DAOA: variants seen among roughly 807,000 people sequenced by gnomAD.
DAOA encodes the protein D-amino acid oxidase activator, also known as D-amino acid oxidase regulator.
DAOA carries 15 observed loss-of-function variants against 16.4 expected under a neutral mutation model. The observed-to-expected ratio is 0.91, with a 90% CI of 0.61 to 1.41. DAOA has a LOEUF of 1.41. DAOA is among the 40% of genes most tolerant of loss of function. The pLI is 0.00. For synonymous variants in DAOA, 75 were observed against 59.1 expected (o/e 1.27, Z -1.23); for missense variants, 230 against 176.8 (o/e 1.30, Z -1.71).
At chr13:105,490,226 TATTTTTATGAAATATA>T in intron 5 of DAOA, 34 bp downstream of exon 5, 2 of 1,020,078 alleles carry the variant, frequency 2.0e-6, no homozygotes, top group East Asian at 7.9e-5. Flanking sequence ...TTTTTATGAA[TATTTTTATGAAATATA>T]ATTTTTATGA....
At chr13:105,473,915 C>T (rs1051733607) in intron 4 of DAOA, among the ~76,000 whole-genome samples, 1 of 152,120 alleles carries the variant, frequency 6.6e-6, no homozygotes, top group Non-Finnish European at 1.5e-5. Flanking sequence ...AATTATTCAA[C>T]TTCCTTATCA....
intron 3 of DAOA, among the ~76,000 whole-genome samples, chr13:105,471,337 G>A (rs2139171693): frequency 3.3e-4 from 2 of 6,008 alleles, no homozygotes; most frequent in Middle Eastern, 0.1. Context: ...TCAAGGTGAA[G>A]GATATGAGTC....
chr13:105,472,600 G>A lies in DAOA; in HGVS notation c.196G>A (p.Glu66Lys). The change falls in exon 4 of 6, where the codon GAG becomes AAG. Residue 66 changes from glutamate to lysine, a missense_variant. Coordinates refer to ENST00000375936, the MANE Select transcript of DAOA (RefSeq NM_172370.5). ...TRKEGWKRRH[E>K]DGYLEMAQRH... ...GAAAGAAGGATGGAAGAGAAGGCATGAGGACGGCTATTTGGAAATGGCACA... is the reference window on the plus strand; with the variant it reads ...GAAAGAAGGATGGAAGAGAAGGCATAAGGACGGCTATTTGGAAATGGCACA... The A allele has an allele frequency of 6.2e-7, 1 of 1,614,068 alleles. No homozygotes were observed. The highest frequency in any genetic ancestry group is 8.5e-7 in the Non-Finnish European group (1 of 1,179,956).
At chr13:105,487,820 T>A (rs1300991275) in intron 4 of DAOA, among the ~76,000 whole-genome samples, 4 of 152,224 alleles carry the variant, frequency 2.6e-5, no homozygotes, top group Non-Finnish European at 4.4e-5. Context: ...CCTGTTTCTA[T>A]AATTGCCTGA....
At chr13:105,475,015 A>G (rs1399811921) in intron 4 of DAOA, 1 of 985,692 alleles carries the variant, frequency 1.0e-6, no homozygotes, top group African/African-American at 1.7e-5. Context: ...TTGCACTGTC[A>G]TTTTAAAAGA....
intron 4 of DAOA, among the ~76,000 whole-genome samples, chr13:105,478,058 T>C (rs1877462475): frequency 6.6e-6 from 1 of 152,192 alleles, no homozygotes; most frequent in African/African-American, 2.4e-5. Flanking sequence ...TACTATGAAA[T>C]ATATTTGGTT....
At chr13:105,482,462 T>C (rs1008762255) in intron 4 of DAOA, among the ~76,000 whole-genome samples, 4 of 151,900 alleles carry the variant, frequency 2.6e-5, no homozygotes, top group Admixed American at 1.3e-4. Context: ...CTGCTCTTTT[T>C]CTCAGTCTCT....
intron 4 of DAOA, among the ~76,000 whole-genome samples, chr13:105,482,408 C>A (rs1877805430): frequency 6.6e-6 from 1 of 151,738 alleles, no homozygotes; most frequent in Admixed American, 6.6e-5. Flanking sequence ...GTGGTTCCTG[C>A]CCTTAGCTTC....
intron 4 of DAOA, among the ~76,000 whole-genome samples, chr13:105,484,233 G>A (rs1195959325): frequency 6.6e-6 from 1 of 151,424 alleles, no homozygotes; most frequent in African/African-American, 2.4e-5. Context: ...CTATTGATTT[G>A]TCTATCTTAA....
At chr13:105,488,834 T>C (rs2139208380) in intron 4 of DAOA, among the ~76,000 whole-genome samples, 1 of 152,336 alleles carries the variant, frequency 6.6e-6, no homozygotes, top group South Asian at 2.1e-4. Context: ...TTGTTTCAAA[T>C]ACTCTGATGG....
chr13:105,473,450 G>T (rs960313951), intron 4 of DAOA, among the ~76,000 whole-genome samples: 1 of 151,934 alleles, frequency 6.6e-6, no homozygotes, highest in African/African-American at 2.4e-5. Flanking sequence ...TAAACATTAA[G>T]TTAAAATCAG....
chr13:105,470,116 A>ATTTTTT lies in DAOA; in HGVS notation c.134-2412_134-2407dup, dbSNP rs33937275. 2.8e-3 allele frequency among the ~76,000 whole-genome samples: 395 copies of ATTTTTT among 142,260 alleles called. 2 individuals are homozygous for ATTTTTT. Among genetic ancestry groups the ATTTTTT allele is most frequent in the Non-Finnish European group, 3.8e-3 (250 of 65,458 alleles). 93.3% of individuals were successfully genotyped at this position (142,260 alleles called of 152,430 possible). A position where few individuals can be genotyped will look rare whatever the true frequency, so the allele number is the denominator to read the frequency against. On this transcript the variant is annotated intron_variant, in intron 3 of 5. Coordinates refer to ENST00000375936, the MANE Select transcript of DAOA (RefSeq NM_172370.5). ...TGGATTAATCATCTTGCTCATTGGAATTTTTTTTTTTTTTTGCAAGAAGAG... is the reference window on the plus strand; with the variant it reads ...TGGATTAATCATCTTGCTCATTGGAATTTTTTTTTTTTTTTTTTTTTGCAAGAAGAG...
In DAOA at chr13:105,490,205, AT is replaced by A; in HGVS notation, c.*111+14del. ...CTGATAACACGTGGTAATATGTTTT[AT>A]AAAATTATATTTTTATGAATATTTT... is the stretch of plus-strand genomic sequence containing the variant. On this transcript the variant is annotated intron_variant, in intron 5 of 5. Transcript: ENST00000375936. The A allele has an allele frequency of 8.8e-7, 1 of 1,134,536 alleles. No homozygotes were observed. The highest frequency in any genetic ancestry group is 1.1e-6 in the Non-Finnish European group (1 of 899,204). The allele number at this position is 1,134,536 out of a possible 1,614,324, so 70.3% of individuals were successfully genotyped here.
Position 105,467,046 on chromosome 13 carries a change from T to C in DAOA, c.45-7T>C, listed in dbSNP as rs772746419. On this transcript the variant is annotated splice_polypyrimidine_tract_variant and splice_region_variant and intron_variant, in intron 2 of 5. Coordinates refer to ENST00000375936, the MANE Select transcript of DAOA (RefSeq NM_172370.5). ...TGAACACGACTGATATTTTCTTTAA[T>C]TTTTAGATCCAGATATACATTGGGT... 3.9e-5 allele frequency: 63 copies of C among 1,607,650 alleles called. No homozygotes were observed. Among genetic ancestry groups the C allele is most frequent in the Non-Finnish European group, 5.3e-5 (63 of 1,177,608 alleles).
intron 1 of DAOA, 35 bp from the exon 2 acceptor site, chr13:105,466,181 G>T: frequency 1.3e-6 from 2 of 1,548,870 alleles, no homozygotes; most frequent in South Asian, 2.4e-5. Flanking sequence ...TAAAGTAAAA[G>T]CTTACTAGTG....
intron 4 of DAOA, among the ~76,000 whole-genome samples, chr13:105,487,733 A>G (rs1397502816): frequency 6.6e-6 from 1 of 152,194 alleles, no homozygotes; most frequent in Non-Finnish European, 1.5e-5. Flanking sequence ...AAAGTTTTAT[A>G]CAAAATAGTG....
intron 3 of DAOA, among the ~76,000 whole-genome samples, chr13:105,470,656 C>A (rs1876865745): frequency 6.6e-6 from 1 of 152,136 alleles, no homozygotes; most frequent in Non-Finnish European, 1.5e-5. Context: ...GTTGCCCAGG[C>A]TGGAGTGCAG....
At chr13:105,471,938 A>G (rs1262144480) in intron 3 of DAOA, among the ~76,000 whole-genome samples, 2 of 152,218 alleles carry the variant, frequency 1.3e-5, no homozygotes, top group African/African-American at 4.8e-5. Context: ...ACTTTTTCCC[A>G]CATTCACTAT....
In DAOA at chr13:105,466,206, G is replaced by T; in HGVS notation, c.-73-10G>T. ...GCTTACTAGTGTATATGATGATTCT[G>T]TTGGTCCAGGATTTGGAAAGGGCAT... On this transcript the variant is annotated splice_polypyrimidine_tract_variant and intron_variant, in intron 1 of 5. Transcript: ENST00000375936. 6.2e-7 allele frequency: 1 copy of T among 1,601,874 alleles called. No individual in the cohort carries two copies. Among genetic ancestry groups the T allele is most frequent in the Non-Finnish European group, 8.5e-7 (1 of 1,173,296 alleles).
Sources: gnomAD v4.1 joint callset for allele counts (sites outside exome capture counted in the v4.1 genomes callset) on GRCh38, gnomAD v4.1.1 for gene constraint, MANE v1.5 for transcripts, NCBI Gene and HGNC (gene_info 2026-07-23, HGNC 2026-07-21) for gene names.